The following CREBRF variants were observed in gnomAD, a reference collection of about 807,000 sequenced individuals.
CREBRF encodes CREB3 regulatory factor, also known as UPF0474 protein C5orf41.
CREBRF carries 5 observed loss-of-function variants against 66.1 expected under a neutral mutation model. That is an observed-to-expected ratio of 0.08 (90% CI 0.04 to 0.16). The LOEUF (loss-of-function observed/expected upper bound fraction) is 0.16, where lower values mean the gene tolerates loss of function less well. Ranked by LOEUF, CREBRF falls within the 10% of genes least tolerant of loss-of-function variation. CREBRF has a pLI of 1.00. For missense variants in CREBRF, 531 were observed against 744.9 expected, an observed-to-expected ratio of 0.71 and a Z score of 3.34; for synonymous variants, 229 against 264.4, an observed-to-expected ratio of 0.87 and a Z score of 1.30.
At chr5:173,089,973 A>C (rs1359848224) in intron 3 of CREBRF, among the ~76,000 whole-genome samples, 1 of 152,182 alleles carries the variant, frequency 6.6e-6, no homozygotes, top group African/African-American at 2.4e-5. Flanking sequence ...AGGAGATCCC[A>C]AAATCCTTCT....
chr5:173,108,491 A>G (rs1211869395), intron 4 of CREBRF, 133 bp from the exon 5 acceptor site: 1 of 722,312 alleles, frequency 1.4e-6, no homozygotes, highest in Admixed American at 3.0e-5. Flanking sequence ...CTGGTTTATT[A>G]TCTTTGACAT....
At chr5:173,076,103 T>C (rs1184220879) in intron 1 of CREBRF, among the ~76,000 whole-genome samples, 1 of 149,776 alleles carries the variant, frequency 6.7e-6, no homozygotes, top group Admixed American at 6.7e-5. Context: ...AGAAAAGAGA[T>C]TTATTTGGCT....
chr5:173,073,689 C>T (rs1757661320), intron 1 of CREBRF, among the ~76,000 whole-genome samples: 2 of 152,176 alleles, frequency 1.3e-5, no homozygotes, highest in South Asian at 2.1e-4. Flanking sequence ...TTTTTAGGGC[C>T]GGGCGCAGTG....
intron 1 of CREBRF, among the ~76,000 whole-genome samples, chr5:173,065,085 A>G (rs1462632785): frequency 6.6e-6 from 1 of 152,178 alleles, no homozygotes; most frequent in East Asian, 1.9e-4. Context: ...CCCATAGACT[A>G]GGAGAGGAGA....
chr5:173,058,524 C>T (rs1366426402), intron 1 of CREBRF, among the ~76,000 whole-genome samples: 7 of 151,880 alleles, frequency 4.6e-5, no homozygotes, highest in Non-Finnish European at 1.0e-4. Context: ...CGCTCTGTCG[C>T]CCAGGCTGGA....
chr5:173,090,471 C>T lies in CREBRF; in HGVS notation c.292C>T (p.Leu98=), dbSNP rs776235463. 18 of 1,613,652 alleles carry T rather than the reference C, an allele frequency of 1.1e-5. No individual in the cohort carries two copies. Among genetic ancestry groups the T allele is most frequent in the Non-Finnish European group, 1.4e-5 (16 of 1,179,646 alleles). The change falls in exon 4 of 9, where the codon CTA becomes TTA. Residue 98 remains leucine, a synonymous_variant. Coordinates refer to ENST00000296953, the MANE Select transcript of CREBRF (RefSeq NM_153607.3). The surrounding 1 kb of genome is among the most constrained non-coding windows in gnomAD (Gnocchi z 4.5). ...WEQWDTYCED[L]TKYTKLTSCD... ...ACAGTGGGATACATACTGTGAAGACCTAACGAAATATACCAAACTAACCAG... is the reference window on the plus strand; with the variant it reads ...ACAGTGGGATACATACTGTGAAGACTTAACGAAATATACCAAACTAACCAG...
Position 173,100,118 on chromosome 5 carries a change from G to GTA in CREBRF, c.1223-8495_1223-8494dup, listed in dbSNP as rs1554125222. ...TGTGTGTGTGTGTGTGTGTGTGTGT[G>GTA]TATATATATATAATTTTTTTTTTTT... On this transcript the variant is annotated intron_variant, in intron 4 of 8. Coordinates refer to ENST00000296953, the MANE Select transcript of CREBRF (RefSeq NM_153607.3). Among the ~76,000 whole-genome samples, 791 of 88,376 alleles carry GTA rather than the reference G, an allele frequency of 9.0e-3. 11 individuals are homozygous for GTA. The highest frequency in any genetic ancestry group is 0.011 in the South Asian group (28 of 2,538). The allele number at this position is 88,376 out of a possible 152,430, so 58.0% of individuals were successfully genotyped here.
chr5:173,112,271 A>C (rs1758888373), intron 6 of CREBRF, 35 bp from the exon 7 acceptor site: 1 of 1,456,042 alleles, frequency 6.9e-7, no homozygotes. Flanking sequence ...AAATTAAGAA[A>C]AAGAAAGTGA....
chr5:173,082,003 G>GTTTTTTTTTTTTTTTTTTTTTTTTTTTT (rs869148787), intron 2 of CREBRF, among the ~76,000 whole-genome samples: 3 of 78,044 alleles, frequency 3.8e-5, no homozygotes, highest in Non-Finnish European at 4.9e-5. Flanking sequence ...TCAAGGTTTA[G>GTTTTTTTTTTTTTTTTTTTTTTTTTTTT]TTTTTTTTTT....
At chr5:173,069,485 C>A (rs545469273) in intron 1 of CREBRF, among the ~76,000 whole-genome samples, 2 of 152,162 alleles carry the variant, frequency 1.3e-5, no homozygotes, top group South Asian at 4.2e-4. Flanking sequence ...CCACACCCAG[C>A]TAATTTTTGT....
chr5:173,057,462 A>T (rs1414005406), intron 1 of CREBRF: 1 of 152,352 alleles, frequency 6.6e-6, no homozygotes, highest in East Asian at 1.9e-4. Context: ...TTCTCCTCAC[A>T]CGAGCTGAGG....
At chr5:173,109,034 T>C in intron 5 of CREBRF, 1 of 492,614 alleles carries the variant, frequency 2.0e-6, no homozygotes, top group Non-Finnish European at 3.5e-6. Flanking sequence ...GGAAGGACTG[T>C]GTAAACATTA....
At position 173,138,484 on chromosome 5, in the gene CREBRF, A is replaced by G. The variant is rs1184711000; in HGVS notation, c.*4739A>G. 6.6e-6 allele frequency: 1 copy of G among 152,326 alleles called. No homozygotes were observed. Among genetic ancestry groups the G allele is most frequent in the Non-Finnish European group, 1.5e-5 (1 of 68,014 alleles). The allele number at this position is 152,326 out of a possible 1,614,324, so 9.4% of individuals were successfully genotyped here. On this transcript the variant is annotated 3_prime_UTR_variant, in exon 9 of 9. Transcript: ENST00000296953. ...TTTTTGTTTAGAGAGTTTTGGAGGT[A>G]GTAGTGAGGGGACAGAGCCTTAAAA...
chr5:173,082,939 A>AC (rs1758007060), intron 2 of CREBRF, among the ~76,000 whole-genome samples: 1 of 123,092 alleles, frequency 8.1e-6, no homozygotes, highest in Non-Finnish European at 1.8e-5. Flanking sequence ...AAAAAAAAAA[A>AC]AAAAAAACCG....
chr5:173,112,496 C>A, intron 7 of CREBRF, 117 bp downstream of exon 7: 1 of 648,426 alleles, frequency 1.5e-6, no homozygotes, highest in South Asian at 2.2e-5. Context: ...GGCTAGCCTC[C>A]TATTTGTTTA....
chr5:173,121,805 T>A (rs564544653), intron 7 of CREBRF, among the ~76,000 whole-genome samples: 10 of 152,344 alleles, frequency 6.6e-5, no homozygotes, highest in African/African-American at 2.4e-4. Flanking sequence ...GCAAGTTGCT[T>A]ACAGGTTAGT....
chr5:173,096,463 TCCCTCCCC>T (rs1758479961), intron 4 of CREBRF, among the ~76,000 whole-genome samples: 1 of 22,908 alleles, frequency 4.4e-5, no homozygotes. Flanking sequence ...TCCCCTCTCC[TCCCTCCCC>T]TCCCCTTTCT....
At position 173,071,153 on chromosome 5, in the gene CREBRF, A is replaced by G. The variant is rs186093409; in HGVS notation, c.-191-9432A>G. On this transcript the variant is annotated intron_variant, in intron 1 of 8. Transcript: ENST00000296953. ...GGGGAAATGGTAAAATCAGTCTAAT[A>G]TTAGACTTAAGAGTAGTGGAAGACA... Among the ~76,000 whole-genome samples, 80 of 152,002 alleles carry G rather than the reference A, an allele frequency of 5.3e-4. 1 individual carries two copies. The highest frequency in any genetic ancestry group is 5.3e-4 in the Non-Finnish European group (36 of 67,998).
At chr5:173,072,840 G>T (rs955792097) in intron 1 of CREBRF, among the ~76,000 whole-genome samples, 4 of 152,114 alleles carry the variant, frequency 2.6e-5, no homozygotes, top group African/African-American at 9.7e-5. Context: ...TGAAAAAGAG[G>T]GAAGGGCAAA....
Sources: gnomAD v4.1 joint callset for allele counts (sites outside exome capture counted in the v4.1 genomes callset) on GRCh38, gnomAD v4.1.1 for gene constraint, Gnocchi (gnomAD v3.1) non-coding constraint, MANE v1.5 for transcripts, NCBI Gene and HGNC (gene_info 2026-07-23, HGNC 2026-07-21) for gene names.